The following NARS1 variants were observed in gnomAD, a reference collection of about 807,000 sequenced individuals.
NARS1 encodes the protein asparagine--tRNA ligase, cytoplasmic.
NARS1 carries 65 observed loss-of-function variants against 79.2 expected under a neutral mutation model. That is an observed-to-expected ratio of 0.82 (90% CI 0.67 to 1.01). The LOEUF is 1.01. Among genes scored for constraint, NARS1 ranks in the 50% least tolerant of loss-of-function variants. NARS1 has a pLI of 0.00. For missense variants in NARS1, 649 were observed against 673.8 expected, an observed-to-expected ratio of 0.96 and a Z score of 0.41; for synonymous variants, 229 against 238.8, an observed-to-expected ratio of 0.96 and a Z score of 0.38.
Position 57,615,946 on chromosome 18 carries a change from A to C in NARS1, c.123T>G (p.Phe41Leu). Reference protein sequence around the residue: ...KALMTVGKEPFPTIYVDSQKE... With the variant: ...KALMTVGKEPLPTIYVDSQKE... ...TTTGTGAATCTACGTAAATGGTAGG[A>C]AATGGTTCTTTCCCTACTGTCATCA... Residue 41 changes from phenylalanine (F) to leucine (L), a missense_variant, in exon 3 of 14, where the codon TTT becomes TTG. Transcript: ENST00000256854. 1 of 1,612,022 alleles carries C rather than the reference A, an allele frequency of 6.2e-7. No homozygotes were observed. Among genetic ancestry groups the C allele is most frequent in the South Asian group, 1.1e-5 (1 of 90,540 alleles).
chr18:57,606,353 AATAT>A (rs71855772), intron 10 of NARS1, among the ~76,000 whole-genome samples: 1,695 of 10,910 alleles, frequency 0.16, 44 homozygotes, highest in South Asian at 0.41. Flanking sequence ...TCAAAAAAAA[AATAT>A]ATATATATAT....
intron 2 of NARS1, among the ~76,000 whole-genome samples, chr18:57,617,861 G>A (rs942026339): frequency 8.0e-5 from 12 of 149,868 alleles, no homozygotes; most frequent in African/African-American, 2.7e-4. Context: ...GTTGCAGTGA[G>A]CTGAGATTGC....
intron 13 of NARS1, 140 bp downstream of exon 13, chr18:57,602,215 C>T (rs961159636): frequency 1.3e-6 from 1 of 758,282 alleles, no homozygotes; most frequent in African/African-American, 1.8e-5. Context: ...TATTCACACA[C>T]CACATTATAA....
At position 57,621,835 on chromosome 18, in the gene NARS1, C is replaced by G; in HGVS notation, c.-118G>C. ...CGGCGTTGCATCAGAGAGCGTAGAT[C>G]TGAGGGCGCCTGCGAGAATCGGCCG... On this transcript the variant is annotated 5_prime_UTR_variant, in exon 1 of 14. Transcript: ENST00000256854. 3 of 1,565,716 alleles carry G rather than the reference C, an allele frequency of 1.9e-6. No homozygotes were observed. The highest frequency in any genetic ancestry group is 2.6e-6 in the Non-Finnish European group (3 of 1,159,936).
intron 9 of NARS1, 140 bp from the exon 10 acceptor site, chr18:57,606,891 C>A: frequency 9.4e-7 from 1 of 1,066,082 alleles, no homozygotes; most frequent in South Asian, 1.6e-5. Flanking sequence ...GCTGTGGACT[C>A]CCCTCTTCTC....
rs749806996 is a variant in NARS1 at position 57,613,680 on chromosome 18, C to T, written c.343G>A (p.Val115Met). 22 of 1,612,930 alleles carry T rather than the reference C, an allele frequency of 1.4e-5. No individual in the cohort carries two copies. The highest frequency in any genetic ancestry group is 1.9e-5 in the Non-Finnish European group (22 of 1,179,156). The change falls in exon 5 of 14, where the codon GTG becomes ATG. Residue 115 changes from valine to methionine, a missense_variant and splice_region_variant. Val to Met is a conservative substitution (Grantham distance 21). Coordinates refer to ENST00000256854, the MANE Select transcript of NARS1 (RefSeq NM_004539.4). Reference sequence around the variant, plus strand: ...TATCCTTCTAACGCACCAATCTTCACCTGTCAAATTGAAATAAACAACATT... The same window carrying T: ...TATCCTTCTAACGCACCAATCTTCATCTGTCAAATTGAAATAAACAACATT... Reference protein sequence around the residue: ...NDPSLPEPKCVKIGALEGYRG... With the variant: ...NDPSLPEPKCMKIGALEGYRG...
chr18:57,620,993 T>C (rs1390745470), intron 1 of NARS1, among the ~76,000 whole-genome samples: 2 of 152,344 alleles, frequency 1.3e-5, no homozygotes, highest in Non-Finnish European at 2.9e-5. Context: ...AGGGTGACTC[T>C]GGAGAATTTA....
At chr18:57,620,425 T>C (rs1221897839) in intron 2 of NARS1, 144 bp downstream of exon 2, 2 of 583,304 alleles carry the variant, frequency 3.4e-6, no homozygotes, top group Non-Finnish European at 6.1e-6. Context: ...AAGTCACATA[T>C]CTGTATGCAT....
At chr18:57,606,813 G>A in intron 9 of NARS1, 62 bp from the exon 10 acceptor site, 2 of 1,592,794 alleles carry the variant, frequency 1.3e-6, no homozygotes, top group South Asian at 1.1e-5. Flanking sequence ...TATCCAGCAA[G>A]GCTTTTAACA....
chr18:57,612,590 C>T (rs2051613380), intron 5 of NARS1, among the ~76,000 whole-genome samples: 1 of 152,112 alleles, frequency 6.6e-6, no homozygotes, highest in South Asian at 2.1e-4. Context: ...TGCTCACAAC[C>T]ACACCCAGCT....
chr18:57,607,039 T>G (rs1568163555), intron 9 of NARS1, 95 bp downstream of exon 9: 8 of 1,346,074 alleles, frequency 5.9e-6, no homozygotes, highest in East Asian at 4.6e-5. Flanking sequence ...TATCAGTTGG[T>G]TTTTTTTAAA....
chr18:57,607,453 C>T lies in NARS1; in HGVS notation c.792G>A (p.Gly264=). 6.2e-7 allele frequency: 1 copy of T among 1,613,900 alleles called. No individual in the cohort carries two copies. The highest frequency in any genetic ancestry group is 8.5e-7 in the Non-Finnish European group (1 of 1,179,834). ...ACGAATGCATACTTACTTCATAGTA[C>T]CCCCTATCAAAGAAGTGATCTCTAA... The part of the protein sequence containing the change: ...RCFRDHFFDR[G]YYEVTPPTLV... Residue 264 remains glycine (G), a synonymous_variant, in exon 8 of 14, where the codon GGG becomes GGA. Coordinates refer to ENST00000256854, the MANE Select transcript of NARS1 (RefSeq NM_004539.4).
At chr18:57,621,206 C>T (rs571812187) in intron 1 of NARS1, among the ~76,000 whole-genome samples, 1 of 152,022 alleles carries the variant, frequency 6.6e-6, no homozygotes, top group South Asian at 2.1e-4. Context: ...TTTCAGAAGG[C>T]CTCACAACTA....
Position 57,609,279 on chromosome 18 carries a change from A to G in NARS1, c.579+78T>C, listed in dbSNP as rs142650645. The G allele has an allele frequency of 6.5e-4, 765 of 1,184,302 alleles. 3 individuals carry two copies. Among genetic ancestry groups the G allele is most frequent in the Admixed American group, 1.8e-3 (103 of 57,286 alleles). 73.4% of individuals were successfully genotyped at this position (1,184,302 alleles called of 1,614,324 possible). A position where few individuals can be genotyped will look rare whatever the true frequency, so the allele number is the denominator to read the frequency against. On this transcript the variant is annotated intron_variant, in intron 7 of 13. Transcript: ENST00000256854. ...TGAAGAACCCTAATACATATGCCAA[A>G]TGTACAAACAAAGACACTGGAAAAC...
At chr18:57,606,918 C>G (rs908547663) in intron 9 of NARS1, 167 bp from the exon 10 acceptor site, 2 of 943,264 alleles carry the variant, frequency 2.1e-6, no homozygotes, top group African/African-American at 3.3e-5. Flanking sequence ...GTAGCAATTT[C>G]TTGTTTGCTC....
rs1599043590 is a variant in NARS1 at position 57,621,782 on chromosome 18, C to T, written c.-65G>A. 53 of 1,611,972 alleles carry T rather than the reference C, an allele frequency of 3.3e-5. No homozygotes were observed. The highest frequency in any genetic ancestry group is 1.6e-4 in the Middle Eastern group (1 of 6,062). On this transcript the variant is annotated 5_prime_UTR_variant, in exon 1 of 14. Coordinates refer to ENST00000256854, the MANE Select transcript of NARS1 (RefSeq NM_004539.4). ...CAACACCGACGCCGTCTTATGACTC[C>T]AACGTGCACCGGCGGTTTCCGCGAT...
intron 2 of NARS1, among the ~76,000 whole-genome samples, chr18:57,620,005 C>T (rs1175230931): frequency 6.6e-6 from 1 of 152,192 alleles, no homozygotes; most frequent in Non-Finnish European, 1.5e-5. Flanking sequence ...AAGCTCTTGA[C>T]AAACCCCTTT....
At position 57,601,036 on chromosome 18, in the gene NARS1, T is replaced by C. The variant is rs2051499914; in HGVS notation, c.*616A>G. ...AAATCCTTTAAGGCAATTCTATTTT[T>C]ACAAATTCTTCAATTTCTATGCCTC... is the stretch of plus-strand genomic sequence containing the variant. On this transcript the variant is annotated 3_prime_UTR_variant, in exon 14 of 14. Transcript: ENST00000256854. 6.6e-6 allele frequency: 1 copy of C among 152,230 alleles called. No homozygotes were observed. The highest frequency in any genetic ancestry group is 6.5e-5 in the Admixed American group (1 of 15,274). 9.4% of individuals were successfully genotyped at this position (152,230 alleles called of 1,614,324 possible).
At chr18:57,614,630 A>G (rs1029548268) in intron 4 of NARS1, among the ~76,000 whole-genome samples, 18 of 152,338 alleles carry the variant, frequency 1.2e-4, no homozygotes, top group African/African-American at 4.3e-4. Flanking sequence ...CAATTCACAA[A>G]CTTTTACTCT....
Sources: gnomAD v4.1 joint callset for allele counts (sites outside exome capture counted in the v4.1 genomes callset) on GRCh38, gnomAD v4.1.1 for gene constraint, MANE v1.5 for transcripts, NCBI Gene and HGNC (gene_info 2026-07-23, HGNC 2026-07-21) for gene names.